The following TRIM71 variants were observed in gnomAD, a reference collection of about 807,000 sequenced individuals.
TRIM71 encodes tripartite motif containing 71, also known as E3 ubiquitin-protein ligase TRIM71.
Under a neutral mutation model 61.2 loss-of-function variants are expected in TRIM71, and 9 were observed. The observed-to-expected ratio is 0.15, with a 90% CI of 0.09 to 0.26. TRIM71 has a LOEUF of 0.26. Among genes scored for constraint, TRIM71 ranks in the 10% least tolerant of loss-of-function variants. The pLI is 1.00. For missense variants in TRIM71, 998 were observed against 1,238.7 expected (o/e 0.81, Z 2.92); for synonymous variants, 645 against 553.2 (o/e 1.17, Z -2.33).
intron 1 of TRIM71, among the ~76,000 whole-genome samples, chr3:32,839,365 G>T (rs1488889616): frequency 1.3e-5 from 2 of 151,232 alleles, no homozygotes; most frequent in African/African-American, 4.9e-5. Flanking sequence ...TGAGTAGCTG[G>T]GATTACAGGT....
In TRIM71 at chr3:32,818,378, C is replaced by G. The variant is rs891041279; in HGVS notation, c.298C>G (p.Leu100Val). 5 of 1,478,724 alleles carry G rather than the reference C, an allele frequency of 3.4e-6. No individual in the cohort carries two copies. The highest frequency in any genetic ancestry group is 2.9e-5 in the African/African-American group (2 of 68,114). The allele number at this position is 1,478,724 out of a possible 1,614,324, so 91.6% of individuals were successfully genotyped here. A position where few individuals can be genotyped will look rare whatever the true frequency, so the allele number is the denominator to read the frequency against. Reference sequence around the variant, plus strand: ...CCCCGTGTGCGACCAGAAAGTAGTGCTAGCCGAGGCGGCGGGTATGGACGC... The same window carrying G: ...CCCCGTGTGCGACCAGAAAGTAGTGGTAGCCGAGGCGGCGGGTATGGACGC... ...RCPVCDQKVV[L>V]AEAAGMDALP... is the part of the protein sequence containing the mutation. The change falls in exon 1 of 4, where the codon CTA (leucine) becomes GTA (valine). Residue 100 changes from leucine to valine, a missense_variant. Transcript: ENST00000383763.
intron 1 of TRIM71, among the ~76,000 whole-genome samples, chr3:32,870,756 G>GTTAC (rs1696786869): frequency 6.6e-6 from 1 of 152,118 alleles, no homozygotes; most frequent in Non-Finnish European, 1.5e-5. Flanking sequence ...ATTCTTTATA[G>GTTAC]TTACATAGTT....
At chr3:32,876,338 C>T (rs1012116907) in intron 2 of TRIM71, among the ~76,000 whole-genome samples, 2 of 152,172 alleles carry the variant, frequency 1.3e-5, no homozygotes, top group Non-Finnish European at 2.9e-5. Context: ...AATCCCAGCA[C>T]TTTGGGAGGC....
intron 1 of TRIM71, among the ~76,000 whole-genome samples, chr3:32,855,258 A>G (rs1696582868): frequency 6.6e-6 from 1 of 152,140 alleles, no homozygotes; most frequent in Non-Finnish European, 1.5e-5. Context: ...AGGGATTGAA[A>G]AGGGCTTTGA....
intron 1 of TRIM71, among the ~76,000 whole-genome samples, chr3:32,823,527 T>C (rs987270244): frequency 2.6e-5 from 4 of 152,256 alleles, no homozygotes; most frequent in Admixed American, 6.5e-5. Flanking sequence ...TATTTCCAAT[T>C]CTAGGAATAT....
rs542070149 is a variant in TRIM71, at chr3:32,833,604, G to A, written c.852+14672G>A. ...CTTAAGAGTGAGAGGGGGAGGTTGAGTACAGGCTGCAGGAGTACTGAGAAT... is the reference window on the plus strand; with the variant it reads ...CTTAAGAGTGAGAGGGGGAGGTTGAATACAGGCTGCAGGAGTACTGAGAAT... On this transcript the variant is annotated intron_variant, in intron 1 of 3. Coordinates refer to ENST00000383763, the MANE Select transcript of TRIM71 (RefSeq NM_001039111.3). 5.9e-4 allele frequency among the ~76,000 whole-genome samples: 90 copies of A among 152,068 alleles called. 1 individual carries two copies. The South Asian group carries it at 0.018, about 31-fold the overall frequency.
At chr3:32,868,909 G>A (rs970214749) in intron 1 of TRIM71, among the ~76,000 whole-genome samples, 2 of 152,128 alleles carry the variant, frequency 1.3e-5, no homozygotes, top group Non-Finnish European at 2.9e-5. Flanking sequence ...GGCCATAGTT[G>A]TGGGGCAGCA....
In TRIM71 at chr3:32,896,406, TTTTA is replaced by T. The variant is rs1255666028; in HGVS notation, c.*4599_*4602del. On this transcript the variant is annotated 3_prime_UTR_variant, in exon 4 of 4. Coordinates refer to ENST00000383763, the MANE Select transcript of TRIM71 (RefSeq NM_001039111.3). ...AGTGTGTATTGCTCTTTTGTTTTGTTTTTATTTTTTTCTACCAAAGGTAACATGT... is the reference window on the plus strand; with the variant it reads ...AGTGTGTATTGCTCTTTTGTTTTGTTTTTTTTTCTACCAAAGGTAACATGT... 2 of 152,166 alleles carry T rather than the reference TTTTA, an allele frequency of 1.3e-5. No individual in the cohort carries two copies. The highest frequency in any genetic ancestry group is 2.1e-4 in the South Asian group (1 of 4,820). 9.4% of individuals were successfully genotyped at this position (152,166 alleles called of 1,614,324 possible).
At chr3:32,867,623 C>G (rs1450809827) in intron 1 of TRIM71, among the ~76,000 whole-genome samples, 1 of 152,114 alleles carries the variant, frequency 6.6e-6, no homozygotes, top group Admixed American at 6.5e-5. Context: ...CAGCCAGAAT[C>G]TTACATATTT....
intron 1 of TRIM71, among the ~76,000 whole-genome samples, chr3:32,843,414 T>A (rs1046895238): frequency 7.2e-5 from 11 of 152,272 alleles, no homozygotes; most frequent in Admixed American, 5.2e-4. Context: ...TGCCCAGCTC[T>A]TGGGACAGGC....
intron 1 of TRIM71, among the ~76,000 whole-genome samples, chr3:32,830,813 G>GT (rs767918002): frequency 2.6e-5 from 4 of 151,858 alleles, no homozygotes; most frequent in African/African-American, 4.8e-5. Context: ...AATGTTGAGG[G>GT]TTTTTTTTAT....
At chr3:32,873,427 A>G (rs1696819777) in intron 1 of TRIM71, among the ~76,000 whole-genome samples, 1 of 152,164 alleles carries the variant, frequency 6.6e-6, no homozygotes, top group Non-Finnish European at 1.5e-5. Context: ...CACTAATATC[A>G]GACTAGGTAA....
chr3:32,835,586 G>A (rs977416083), intron 1 of TRIM71, among the ~76,000 whole-genome samples: 13 of 152,122 alleles, frequency 8.5e-5, no homozygotes, highest in African/African-American at 3.1e-4. Context: ...GTCATTTTAG[G>A]CTGTAATTTT....
rs561702641 is a variant in TRIM71, at chr3:32,839,109, C to G, written c.852+20177C>G. On this transcript the variant is annotated intron_variant, in intron 1 of 3. Transcript: ENST00000383763. Reference sequence around the variant, plus strand: ...GCCTTGAGCCTCCTTAATCAGAAATCTAAACTTACAAGGACATTTCACTTC... The same window carrying G: ...GCCTTGAGCCTCCTTAATCAGAAATGTAAACTTACAAGGACATTTCACTTC... 4.0e-4 allele frequency among the ~76,000 whole-genome samples: 61 copies of G among 152,176 alleles called. No individual in the cohort carries two copies. The Middle Eastern group carries it at 0.014, about 34-fold the overall frequency.
Position 32,891,935 on chromosome 3 carries a change from C to CTTT in TRIM71, c.*134_*136dup. 1 of 1,077,596 alleles carries CTTT rather than the reference C, an allele frequency of 9.3e-7. No individual in the cohort carries two copies. The highest frequency in any genetic ancestry group is 1.2e-6 in the Non-Finnish European group (1 of 818,718). 66.8% of individuals were successfully genotyped at this position (1,077,596 alleles called of 1,614,324 possible). On this transcript the variant is annotated 3_prime_UTR_variant, in exon 4 of 4. Coordinates refer to ENST00000383763, the MANE Select transcript of TRIM71 (RefSeq NM_001039111.3). This position sits in a 1 kb window ranked among gnomAD's most constrained non-coding sequence, Gnocchi z 8.2. ...ACAGTCTCAGGGAAATTTCTTTTTT[C>CTTT]TTTTTTTTTTTTAAAGAGAACAAGA...
rs779340767 is a variant in TRIM71, at chr3:32,895,395, G to A, written c.*3584G>A. 7 of 152,136 alleles carry A rather than the reference G, an allele frequency of 4.6e-5. No homozygotes were observed. Among genetic ancestry groups the A allele is most frequent in the African/African-American group, 1.7e-4 (7 of 41,422 alleles). The allele number at this position is 152,136 out of a possible 1,614,324, so 9.4% of individuals were successfully genotyped here. A position where few individuals can be genotyped will look rare whatever the true frequency, so the allele number is the denominator to read the frequency against. ...GAGTTGCAAGAGATAGCTTGAGATCGGCTCAGTCTGATTTATTCTAGTTAA... is the reference window on the plus strand; with the variant it reads ...GAGTTGCAAGAGATAGCTTGAGATCAGCTCAGTCTGATTTATTCTAGTTAA... On this transcript the variant is annotated 3_prime_UTR_variant, in exon 4 of 4. Coordinates refer to ENST00000383763, the MANE Select transcript of TRIM71 (RefSeq NM_001039111.3).
intron 1 of TRIM71, among the ~76,000 whole-genome samples, chr3:32,824,819 G>C (rs1479650884): frequency 6.6e-6 from 1 of 151,904 alleles, no homozygotes; most frequent in Non-Finnish European, 1.5e-5. Flanking sequence ...TCTTGAGATG[G>C]AGTCTCGCTG....
At position 32,890,051 on chromosome 3, in the gene TRIM71, C is replaced by G. The variant is rs1257648169; in HGVS notation, c.1156-309C>G. 6.6e-6 allele frequency among the ~76,000 whole-genome samples: 1 copy of G among 152,100 alleles called. No homozygotes were observed. The highest frequency in any genetic ancestry group is 1.5e-5 in the Non-Finnish European group (1 of 68,022). On this transcript the variant is annotated intron_variant, in intron 3 of 3. Transcript: ENST00000383763. This position sits in a 1 kb window ranked among gnomAD's most constrained non-coding sequence, Gnocchi z 6.2. ...CAGTACTAGCATCTACTCCTCAGTC[C>G]ATAATCAAGGTTCAACAATTGTCCC...
At position 32,893,018 on chromosome 3, in the gene TRIM71, T is replaced by G. The variant is rs1046162711; in HGVS notation, c.*1207T>G. On this transcript the variant is annotated 3_prime_UTR_variant, in exon 4 of 4. Transcript: ENST00000383763. ...GAAGAGTAGGCAAAGGAAAGAACTT[T>G]TATTTTACAAGCACAATTTTTTCCT... 6.6e-6 allele frequency: 1 copy of G among 152,210 alleles called. No homozygotes were observed. The highest frequency in any genetic ancestry group is 1.5e-5 in the Non-Finnish European group (1 of 68,054). 9.4% of individuals were successfully genotyped at this position (152,210 alleles called of 1,614,324 possible). A position where few individuals can be genotyped will look rare whatever the true frequency, so the allele number is the denominator to read the frequency against.
Sources: allele counts gnomAD v4.1 joint callset (sites outside exome capture counted in the v4.1 genomes callset), GRCh38; gene constraint gnomAD v4.1.1; non-coding constraint Gnocchi (gnomAD v3.1); transcripts MANE v1.5; gene names NCBI Gene and HGNC (gene_info 2026-07-23, HGNC 2026-07-21).